NFIA: variants seen among roughly 807,000 people sequenced by gnomAD.
NFIA encodes nuclear factor I A.
NFIA carries 8 observed loss-of-function variants against 62.8 expected under a neutral mutation model. That is an observed-to-expected ratio of 0.13 (90% CI 0.07 to 0.23). The LOEUF (loss-of-function observed/expected upper bound fraction) is 0.23. NFIA is among the 10% of genes least tolerant of loss of function. The pLI is 1.00. For synonymous variants in NFIA, 235 were observed against 238.1 expected, an observed-to-expected ratio of 0.99 and a Z score of 0.12; for missense variants, 410 against 642.1, an observed-to-expected ratio of 0.64 and a Z score of 3.91.
At chr1:61,187,404 G>A (rs1401388887) in intron 2 of NFIA, among the ~76,000 whole-genome samples, 1 of 152,140 alleles carries the variant, frequency 6.6e-6, no homozygotes, top group Non-Finnish European at 1.5e-5. Context: ...TGCCATAACT[G>A]CCTTAGTCAT....
intron 9 of NFIA, among the ~76,000 whole-genome samples, chr1:61,412,060 C>T (rs1412976697): frequency 6.6e-6 from 1 of 151,916 alleles, no homozygotes; most frequent in Non-Finnish European, 1.5e-5. Context: ...TAGATACATC[C>T]TGAAGGTTTT....
rs892098078 is a variant in NFIA, at chr1:61,332,808, G to T, written c.700+222G>T. ...TAAAAGAAAGACCAAAATCCTGAGG[G>T]TCTCATATATTCTGAGGCTTCCCTG... On this transcript the variant is annotated intron_variant, in intron 4 of 10. Transcript: ENST00000403491. 2.6e-5 allele frequency among the ~76,000 whole-genome samples: 4 copies of T among 152,074 alleles called. 1 individual carries two copies. The South Asian group carries it at 8.3e-4, about 31-fold the overall frequency.
intron 2 of NFIA, among the ~76,000 whole-genome samples, chr1:61,106,967 AATAC>A (rs967431044): frequency 4.5e-4 from 67 of 150,476 alleles, no homozygotes; most frequent in African/African-American, 1.5e-3. Context: ...TATATATATA[AATAC>A]ATATACACAC....
At chr1:61,243,148 T>C (rs1655445957) in intron 2 of NFIA, among the ~76,000 whole-genome samples, 1 of 152,130 alleles carries the variant, frequency 6.6e-6, no homozygotes, top group Non-Finnish European at 1.5e-5. Context: ...TAAAACCAAA[T>C]GTTATTGACA....
chr1:61,419,006 AAC>A (rs1413408991), intron 9 of NFIA, among the ~76,000 whole-genome samples: 2 of 152,262 alleles, frequency 1.3e-5, no homozygotes, highest in African/African-American at 4.8e-5. Flanking sequence ...TCAATTGAGC[AAC>A]ACACAGCATA....
chr1:61,362,577 A>T (rs933301016), intron 6 of NFIA, among the ~76,000 whole-genome samples: 1 of 152,254 alleles, frequency 6.6e-6, no homozygotes, highest in East Asian at 1.9e-4. Context: ...CCAGACATGC[A>T]GTAAATTACA....
chr1:61,431,650 G>GAAATTTAC (rs773056777), intron 10 of NFIA, among the ~76,000 whole-genome samples: 17 of 152,346 alleles, frequency 1.1e-4, no homozygotes, highest in Non-Finnish European at 2.4e-4. Flanking sequence ...TTTGCCTCAT[G>GAAATTTAC]AAATTTACAA....
At chr1:61,386,778 G>A (rs1281136770) in intron 7 of NFIA, among the ~76,000 whole-genome samples, 2 of 152,234 alleles carry the variant, frequency 1.3e-5, no homozygotes, top group South Asian at 2.1e-4. Context: ...CACAGCGGTT[G>A]TCCTTGTCTG....
chr1:61,343,769 C>T (rs182587959), intron 4 of NFIA, among the ~76,000 whole-genome samples: 7 of 152,266 alleles, frequency 4.6e-5, no homozygotes, highest in African/African-American at 1.7e-4. Flanking sequence ...AAGACTGTGG[C>T]GTAGAAGCTG....
chr1:61,266,960 G>C (rs1657210719), intron 2 of NFIA, among the ~76,000 whole-genome samples: 1 of 152,134 alleles, frequency 6.6e-6, no homozygotes, highest in Non-Finnish European at 1.5e-5. Flanking sequence ...CAGGTATTTG[G>C]AATGAGTCAG....
intron 9 of NFIA, among the ~76,000 whole-genome samples, chr1:61,407,578 G>A (rs562320736): frequency 2.0e-5 from 3 of 152,268 alleles, no homozygotes; most frequent in African/African-American, 7.2e-5. Context: ...CCTAGGTGAT[G>A]GATGCCCTAG....
chr1:61,220,455 T>G (rs967695765), intron 2 of NFIA, among the ~76,000 whole-genome samples: 2 of 152,224 alleles, frequency 1.3e-5, no homozygotes, highest in African/African-American at 4.8e-5. Flanking sequence ...TTTACCTAAT[T>G]TATTGTGGCA....
chr1:61,400,395 TTCTGACACTC>T (rs1665492768), intron 7 of NFIA, among the ~76,000 whole-genome samples: 1 of 152,208 alleles, frequency 6.6e-6, no homozygotes, highest in Non-Finnish European at 1.5e-5. Context: ...AGTGAAGTGT[TTCTGACACTC>T]TCTGCTGCTC....
intron 7 of NFIA, among the ~76,000 whole-genome samples, chr1:61,386,936 G>C (rs777193864): frequency 7.9e-5 from 12 of 152,152 alleles, no homozygotes; most frequent in South Asian, 2.1e-4. Context: ...TTCATAGATG[G>C]CATCTTCTTG....
rs186920430 is a variant in NFIA, at chr1:61,236,005, G to A, written c.560-41515G>A. Among the ~76,000 whole-genome samples, 505 of 152,212 alleles carry A rather than the reference G, an allele frequency of 3.3e-3. 2 individuals are homozygous for A. Among genetic ancestry groups the A allele is most frequent in the Middle Eastern group, 0.01 (3 of 294 alleles). On this transcript the variant is annotated intron_variant, in intron 2 of 10. Transcript: ENST00000403491. ...TGGGGAATGATATGTTATTTACATG[G>A]TTCTGAACTTCACTTCCCTCCTCTT...
At chr1:61,344,713 G>A (rs529934738) in intron 4 of NFIA, among the ~76,000 whole-genome samples, 39 of 152,184 alleles carry the variant, frequency 2.6e-4, no homozygotes, top group Non-Finnish European at 4.9e-4. Flanking sequence ...GCCTCTCTGA[G>A]GATATGTACT....
chr1:61,215,198 C>T (rs1047257092), intron 2 of NFIA, among the ~76,000 whole-genome samples: 3 of 152,106 alleles, frequency 2.0e-5, no homozygotes, highest in South Asian at 2.1e-4. Context: ...TCAATATTGT[C>T]GAACTGCTCA....
intron 2 of NFIA, among the ~76,000 whole-genome samples, chr1:61,168,136 A>T (rs1649709931): frequency 6.6e-6 from 1 of 152,136 alleles, no homozygotes; most frequent in Non-Finnish European, 1.5e-5. Context: ...ACATATATTT[A>T]TGTTAACTTG....
At chr1:61,334,948 A>G (rs1003958921) in intron 4 of NFIA, among the ~76,000 whole-genome samples, 2 of 152,094 alleles carry the variant, frequency 1.3e-5, no homozygotes, top group African/African-American at 4.8e-5. Flanking sequence ...GGTCAGTCTA[A>G]GATAGCTTGG....
Sources: allele counts gnomAD v4.1 joint callset (sites outside exome capture counted in the v4.1 genomes callset), GRCh38; gene constraint gnomAD v4.1.1; transcripts MANE v1.5; gene names NCBI Gene and HGNC (gene_info 2026-07-23, HGNC 2026-07-21).